The following C1GALT1 variants were observed in gnomAD, a reference collection of about 807,000 sequenced individuals.
C1GALT1 encodes the protein glycoprotein-N-acetylgalactosamine 3-beta-galactosyltransferase 1.
In C1GALT1, 11 loss-of-function variants were observed where a neutral mutation model predicts 31.0. The observed-to-expected ratio is 0.36, with a 90% CI of 0.22 to 0.59. The LOEUF (loss-of-function observed/expected upper bound fraction) is 0.59. Among genes scored for constraint, C1GALT1 ranks in the 20% least tolerant of loss-of-function variants. C1GALT1 has a pLI of 0.79. For synonymous variants in C1GALT1, 175 were observed against 143.6 expected (o/e 1.22, Z -1.56); for missense variants, 424 against 425.2 (o/e 1.00, Z 0.03).
Position 7,243,844 on chromosome 7 carries a change from A to G in C1GALT1, c.*117A>G, listed in dbSNP as rs1334207410. On this transcript the variant is annotated 3_prime_UTR_variant, in exon 4 of 4. Transcript: ENST00000436587. ...GAGGAATTCTAAGTGAACATTCCTT[A>G]TAGAAACCTTTCACATGAATGACTA... 5 of 717,166 alleles carry G rather than the reference A, an allele frequency of 7.0e-6. No homozygotes were observed. Among genetic ancestry groups the G allele is most frequent in the Non-Finnish European group, 1.1e-5 (5 of 450,214 alleles). The allele number at this position is 717,166 out of a possible 1,614,324, so 44.4% of individuals were successfully genotyped here. A position where few individuals can be genotyped will look rare whatever the true frequency, so the allele number is the denominator to read the frequency against.
chr7:7,206,807 T>C (rs1422248118), intron 1 of C1GALT1, among the ~76,000 whole-genome samples: 3 of 152,018 alleles, frequency 2.0e-5, no homozygotes, highest in Non-Finnish European at 4.4e-5. Flanking sequence ...CCTTCTGTCC[T>C]CCAAAGTGTC....
At chr7:7,187,053 G>T (rs1780846297) in intron 1 of C1GALT1, among the ~76,000 whole-genome samples, 1 of 152,190 alleles carries the variant, frequency 6.6e-6, no homozygotes, top group Non-Finnish European at 1.5e-5. Flanking sequence ...AAGTTGGTTA[G>T]AATGTTGTTG....
chr7:7,161,389 T>C (rs1040151123), intron 2 of C1GALT1, among the ~76,000 whole-genome samples: 2 of 152,062 alleles, frequency 1.3e-5, no homozygotes, highest in African/African-American at 4.8e-5. Flanking sequence ...ATATTTACAG[T>C]GAATAACTTT....
At chr7:7,181,280 G>A (rs115490229), upstream of C1GALT1, among the ~76,000 whole-genome samples, 879 of 93,528 alleles carry the variant, frequency 9.4e-3, 12 homozygotes, top group African/African-American at 0.042. Context: ...AGGGGGAGGA[G>A]GCTGAGCAAC....
At chr7:7,232,507 T>G (rs1237002460) in intron 1 of C1GALT1, among the ~76,000 whole-genome samples, 1 of 145,648 alleles carries the variant, frequency 6.9e-6, no homozygotes, top group East Asian at 2.3e-4. Context: ...GTTTTTTTTT[T>G]TTTGAGACAG....
chr7:7,193,774 T>C (rs986117695), intron 1 of C1GALT1, among the ~76,000 whole-genome samples: 1 of 152,140 alleles, frequency 6.6e-6, no homozygotes, highest in Non-Finnish European at 1.5e-5. Context: ...GGCAGTATGA[T>C]CATTTTCACA....
At chr7:7,191,115 T>C (rs548124442) in intron 1 of C1GALT1, among the ~76,000 whole-genome samples, 9 of 152,220 alleles carry the variant, frequency 5.9e-5, no homozygotes, top group African/African-American at 2.2e-4. Flanking sequence ...AAACTGAAGC[T>C]CTATATCCGT....
intron 1 of C1GALT1, among the ~76,000 whole-genome samples, chr7:7,215,363 A>C (rs760723878): frequency 1.2e-4 from 18 of 152,186 alleles, no homozygotes; most frequent in Non-Finnish European, 1.8e-4. Flanking sequence ...AATATAAACA[A>C]TGATCCTTAT....
chr7:7,219,979 A>G (rs539781269), intron 1 of C1GALT1, among the ~76,000 whole-genome samples: 18 of 152,202 alleles, frequency 1.2e-4, no homozygotes, highest in African/African-American at 4.3e-4. Context: ...CCTTGTATTG[A>G]TTCTGATTTG....
chr7:7,178,412 T>A (rs1303518010), upstream of C1GALT1: 2 of 203,542 alleles, frequency 9.8e-6, no homozygotes, highest in Non-Finnish European at 2.1e-5. Flanking sequence ...CAATCTGTAA[T>A]TTGCTTGGAG....
chr7:7,171,514 C>G (rs1372428239), intron 2 of C1GALT1, among the ~76,000 whole-genome samples: 1 of 152,056 alleles, frequency 6.6e-6, no homozygotes, highest in African/African-American at 2.4e-5. Flanking sequence ...AAGTGAATCT[C>G]TTACAGACAG....
At chr7:7,159,903 G>A (rs935212189) in intron 2 of C1GALT1, among the ~76,000 whole-genome samples, 2 of 152,092 alleles carry the variant, frequency 1.3e-5, no homozygotes, top group East Asian at 1.9e-4. Flanking sequence ...TGGCCTTTCA[G>A]CTATCAGCTC....
Position 7,219,940 on chromosome 7 carries a change from G to A in C1GALT1, c.-17-14363G>A, listed in dbSNP as rs200260931. Among the ~76,000 whole-genome samples the A allele has an allele frequency of 9.2e-5, 14 of 152,244 alleles. No individual in the cohort carries two copies. In the East Asian group the frequency reaches 2.7e-3, roughly 29 times the overall value. On this transcript the variant is annotated intron_variant, in intron 1 of 3. Transcript: ENST00000436587. ...ATTTAGCAGTTGTATAATCTACTTAGTGGGTATATCTTAATTTACATAATT... is the reference window on the plus strand; with the variant it reads ...ATTTAGCAGTTGTATAATCTACTTAATGGGTATATCTTAATTTACATAATT...
In C1GALT1 at chr7:7,238,712, A is replaced by G; in HGVS notation, c.678A>G (p.Ala226=). 2 of 1,614,086 alleles carry G rather than the reference A, an allele frequency of 1.2e-6. No homozygotes were observed. Among genetic ancestry groups the G allele is most frequent in the Non-Finnish European group, 1.7e-6 (2 of 1,179,968 alleles). The stretch of plus-strand genomic sequence containing the variant: ...AAGCCTTGAAAAGATTTGTTGATGC[A>G]TTTAAAACAGACAAGTGTACACATA... ...SKEALKRFVD[A]FKTDKCTHSS... The change falls in exon 3 of 4, where the codon GCA becomes GCG. Residue 226 remains alanine (A), a synonymous_variant. Transcript: ENST00000436587. This position sits in a 1 kb window ranked among gnomAD's most constrained non-coding sequence, Gnocchi z 5.2.
intron 1 of C1GALT1, among the ~76,000 whole-genome samples, chr7:7,233,454 G>T (rs532601552): frequency 6.6e-6 from 1 of 152,212 alleles, no homozygotes; most frequent in African/African-American, 2.4e-5. Context: ...ATGCCACCAT[G>T]CCCAGCTAAT....
intron 1 of C1GALT1, among the ~76,000 whole-genome samples, chr7:7,198,247 T>C (rs1781383477): frequency 6.6e-6 from 1 of 152,236 alleles, no homozygotes; most frequent in African/African-American, 2.4e-5. Context: ...CATGAAGGGC[T>C]GTTGAATTTT....
At chr7:7,227,722 A>AG (rs1223672953) in intron 1 of C1GALT1, among the ~76,000 whole-genome samples, 1 of 98,060 alleles carries the variant, frequency 1.0e-5, no homozygotes, top group Non-Finnish European at 2.1e-5. Context: ...TCCGTCTCAA[A>AG]AAAAAAAAAA....
At chr7:7,194,685 T>G (rs532166524) in intron 1 of C1GALT1, among the ~76,000 whole-genome samples, 1 of 152,272 alleles carries the variant, frequency 6.6e-6, no homozygotes, top group South Asian at 2.1e-4. Flanking sequence ...GATACTGGCT[T>G]CATAGAATGA....
In C1GALT1 at chr7:7,248,412, A is replaced by G. The variant is rs1381449883; in HGVS notation, c.*4685A>G. 2 of 152,032 alleles carry G rather than the reference A, an allele frequency of 1.3e-5. No individual in the cohort carries two copies. The highest frequency in any genetic ancestry group is 4.1e-4 in the South Asian group (2 of 4,834). The allele number at this position is 152,032 out of a possible 1,614,324, so 9.4% of individuals were successfully genotyped here. A position where few individuals can be genotyped will look rare whatever the true frequency, so the allele number is the denominator to read the frequency against. On this transcript the variant is annotated 3_prime_UTR_variant, in exon 4 of 4. Coordinates refer to ENST00000436587, the MANE Select transcript of C1GALT1 (RefSeq NM_020156.5). The stretch of plus-strand genomic sequence containing the variant: ...ACTGCTAAGCAGTGTGTTGTACTAC[A>G]TAGTGAATGTTCGTGTTTTGGAATT...
Sources: gnomAD v4.1 joint callset for allele counts (sites outside exome capture counted in the v4.1 genomes callset) on GRCh38, gnomAD v4.1.1 for gene constraint, Gnocchi (gnomAD v3.1) non-coding constraint, MANE v1.5 for transcripts, NCBI Gene and HGNC (gene_info 2026-07-23, HGNC 2026-07-21) for gene names.